The following RNF13 variants were observed in gnomAD, a reference collection of about 807,000 sequenced individuals.
The protein encoded by RNF13 is E3 ubiquitin-protein ligase RNF13.
A neutral mutation model predicts 37.7 loss-of-function variants in RNF13; 19 were observed. That is an observed-to-expected ratio of 0.50 (90% CI 0.35 to 0.74). The LOEUF (loss-of-function observed/expected upper bound fraction) is 0.74, where lower values mean the gene tolerates loss of function less well. Ranked by LOEUF, RNF13 falls within the 30% of genes least tolerant of loss-of-function variation. The pLI, the probability that RNF13 is intolerant of heterozygous loss-of-function variation, is 0.01. For missense variants in RNF13, 375 were observed against 453.0 expected (o/e 0.83, Z 1.56); for synonymous variants, 144 against 157.8 (o/e 0.91, Z 0.65).
At chr3:149,883,021 T>G (rs1233553829) in intron 4 of RNF13, among the ~76,000 whole-genome samples, 2 of 152,206 alleles carry the variant, frequency 1.3e-5, no homozygotes, top group South Asian at 2.1e-4. Flanking sequence ...ACATTCTCTC[T>G]CTGTACAACA....
intron 2 of RNF13, among the ~76,000 whole-genome samples, chr3:149,848,772 A>G (rs1207747241): frequency 2.0e-5 from 3 of 151,932 alleles, no homozygotes; most frequent in African/African-American, 7.3e-5. Context: ...AGTTGAATTC[A>G]ATTCACAGAC....
At chr3:149,914,905 T>C (rs1403627701) in intron 7 of RNF13, among the ~76,000 whole-genome samples, 1 of 150,832 alleles carries the variant, frequency 6.6e-6, no homozygotes, top group East Asian at 2.0e-4. Flanking sequence ...ACCATTGCAC[T>C]CCAGCCTGGG....
intron 8 of RNF13, 61 bp from the exon 9 acceptor site, chr3:149,959,995 G>C: frequency 1.9e-6 from 2 of 1,080,828 alleles, no homozygotes; most frequent in Non-Finnish European, 2.8e-6. Context: ...CAGTAACTGA[G>C]GACTAACTTG....
rs1720136476 is a variant in RNF13 at position 149,822,959 on chromosome 3, G to A, written c.-17+9606G>A. On this transcript the variant is annotated intron_variant, in intron 1 of 9. Transcript: ENST00000392894. ...TGTTTTTTCTTGAAGTTTCCAAATA[G>A]CCTTAAAATTTCATTATGAATAGAA... Among the ~76,000 whole-genome samples, 3 of 151,916 alleles carry A rather than the reference G, an allele frequency of 2.0e-5. No homozygotes were observed. In the South Asian group the frequency reaches 6.2e-4, roughly 32 times the overall value.
intron 3 of RNF13, among the ~76,000 whole-genome samples, chr3:149,855,264 A>G (rs1230227683): frequency 6.6e-6 from 1 of 152,202 alleles, no homozygotes; most frequent in East Asian, 1.9e-4. Flanking sequence ...GGTTGCAGTG[A>G]GCCGCGATCA....
intron 1 of RNF13, among the ~76,000 whole-genome samples, chr3:149,825,499 C>T (rs1259765726): frequency 1.3e-5 from 2 of 152,200 alleles, no homozygotes; most frequent in East Asian, 3.9e-4. Context: ...TTGTACATTC[C>T]AGGCCTGGTG....
chr3:149,817,667 C>T (rs548640758), intron 1 of RNF13, among the ~76,000 whole-genome samples: 1 of 152,106 alleles, frequency 6.6e-6, no homozygotes, highest in Non-Finnish European at 1.5e-5. Flanking sequence ...TGGAAGAAGA[C>T]ACTCAAAGGA....
At chr3:149,877,849 TTCAA>T (rs1272136735) in intron 4 of RNF13, among the ~76,000 whole-genome samples, 4 of 152,270 alleles carry the variant, frequency 2.6e-5, no homozygotes, top group South Asian at 2.1e-4. Context: ...CCATATATAG[TTCAA>T]TCAAACAGCT....
chr3:149,847,406 C>G (rs1722747583), intron 2 of RNF13, among the ~76,000 whole-genome samples: 1 of 152,084 alleles, frequency 6.6e-6, no homozygotes, highest in African/African-American at 2.4e-5. Context: ...TGTTGCTGAC[C>G]AAAGCTTGAT....
intron 8 of RNF13, among the ~76,000 whole-genome samples, chr3:149,925,374 C>G (rs1271032343): frequency 6.6e-6 from 1 of 152,118 alleles, no homozygotes; most frequent in African/African-American, 2.4e-5. Flanking sequence ...GATAAATAAT[C>G]CTTTCTTGTC....
intron 3 of RNF13, among the ~76,000 whole-genome samples, chr3:149,868,708 T>A (rs769849292): frequency 1.4e-4 from 21 of 151,590 alleles, no homozygotes; most frequent in South Asian, 6.2e-4. Context: ...ATGAAAAGTC[T>A]GTTGCCAGAT....
intron 8 of RNF13, among the ~76,000 whole-genome samples, chr3:149,932,092 CACTT>C (rs745831677): frequency 2.6e-5 from 4 of 152,076 alleles, no homozygotes; most frequent in Admixed American, 1.3e-4. Context: ...CATTGATAGA[CACTT>C]AGGTTGATTC....
chr3:149,917,907 G>A (rs1401794577), intron 7 of RNF13, among the ~76,000 whole-genome samples: 1 of 152,086 alleles, frequency 6.6e-6, no homozygotes, highest in Non-Finnish European at 1.5e-5. Flanking sequence ...CTCATTTAAA[G>A]TACACAATTC....
intron 4 of RNF13, among the ~76,000 whole-genome samples, chr3:149,880,309 A>G (rs551620671): frequency 4.6e-5 from 7 of 152,204 alleles, no homozygotes; most frequent in Admixed American, 4.6e-4. Flanking sequence ...ATTTGATTGG[A>G]ATATGAATCC....
At chr3:149,910,684 C>T (rs557319716) in intron 6 of RNF13, among the ~76,000 whole-genome samples, 2 of 152,270 alleles carry the variant, frequency 1.3e-5, no homozygotes, top group African/African-American at 4.8e-5. Context: ...AAATACCTGG[C>T]TTCACTACTT....
chr3:149,954,237 A>C (rs912394464), intron 8 of RNF13, among the ~76,000 whole-genome samples: 2 of 152,040 alleles, frequency 1.3e-5, no homozygotes, highest in African/African-American at 4.8e-5. Context: ...TTTTCTCCTT[A>C]TTGCATCTAA....
At chr3:149,888,347 A>G (rs978972871) in intron 4 of RNF13, among the ~76,000 whole-genome samples, 7 of 152,236 alleles carry the variant, frequency 4.6e-5, no homozygotes, top group Admixed American at 2.6e-4. Flanking sequence ...AATTTATGTT[A>G]TTAAAATTAG....
intron 8 of RNF13, among the ~76,000 whole-genome samples, chr3:149,936,614 G>C (rs1367229633): frequency 1.3e-5 from 2 of 151,798 alleles, no homozygotes; most frequent in Non-Finnish European, 2.9e-5. Context: ...AGTTTCTAAA[G>C]TGTTTTACTC....
intron 8 of RNF13, among the ~76,000 whole-genome samples, chr3:149,938,661 C>T (rs1268908471): frequency 6.6e-6 from 1 of 151,890 alleles, no homozygotes; most frequent in Non-Finnish European, 1.5e-5. Context: ...ATCTATGTGT[C>T]TTAATTTTTT....
Sources: gnomAD v4.1 joint callset for allele counts (sites outside exome capture counted in the v4.1 genomes callset) on GRCh38, gnomAD v4.1.1 for gene constraint, MANE v1.5 for transcripts, NCBI Gene and HGNC (gene_info 2026-07-23, HGNC 2026-07-21) for gene names.